CAST: variants seen among roughly 807,000 people sequenced by gnomAD.
CAST encodes MIR583 host.
A neutral mutation model predicts 119.6 loss-of-function variants in CAST; 76 were observed. The observed-to-expected ratio is 0.64, with a 90% CI of 0.53 to 0.77. The LOEUF is 0.77. CAST is among the 30% of genes least tolerant of loss of function. The pLI is 0.00. For synonymous variants in CAST, 319 were observed against 331.6 expected, an observed-to-expected ratio of 0.96 and a Z score of 0.41; for missense variants, 953 against 946.5, an observed-to-expected ratio of 1.01 and a Z score of -0.09.
chr5:96,495,141 G>C, the CAST span, among the ~76,000 whole-genome samples: 2 of 127,538 alleles, frequency 1.6e-5, no homozygotes, highest in African/African-American at 5.7e-5. Context: ...AAAAAAAAAA[G>C]TGTGTCCATG....
the CAST span, among the ~76,000 whole-genome samples, chr5:95,999,661 A>T: frequency 6.6e-6 from 1 of 152,148 alleles, no homozygotes; most frequent in Admixed American, 6.6e-5. Flanking sequence ...TGATTGATTG[A>T]CATTTCAATT....
the CAST span, among the ~76,000 whole-genome samples, chr5:96,346,432 G>T: frequency 6.6e-6 from 1 of 152,098 alleles, no homozygotes; most frequent in Non-Finnish European, 1.5e-5. Flanking sequence ...TGTCACTGTA[G>T]AGATTGTAAT....
chr5:96,155,432 A>G, the CAST span, among the ~76,000 whole-genome samples: 3 of 152,244 alleles, frequency 2.0e-5, no homozygotes, highest in African/African-American at 7.2e-5. Flanking sequence ...TGGGAAATAC[A>G]GTGATGGCCA....
chr5:96,165,162 C>T, the CAST span, among the ~76,000 whole-genome samples: 7 of 151,628 alleles, frequency 4.6e-5, no homozygotes, highest in Non-Finnish European at 8.8e-5. Flanking sequence ...CATGACACCT[C>T]GGCAGATTCC....
chr5:96,587,411 G>C (rs1436781928), intron 1 of CAST, among the ~76,000 whole-genome samples: 1 of 152,222 alleles, frequency 6.6e-6, no homozygotes, highest in African/African-American at 2.4e-5. Context: ...CCTGACTAAT[G>C]CAGGATAGTC....
chr5:96,591,437 T>G (rs1167387865), intron 1 of CAST, among the ~76,000 whole-genome samples: 2 of 152,252 alleles, frequency 1.3e-5, no homozygotes, highest in African/African-American at 4.8e-5. Context: ...GGTCTTTTTC[T>G]TTCGAGAAGG....
the CAST span, chr5:96,426,037 A>C: frequency 1.4e-6 from 1 of 720,372 alleles, no homozygotes; most frequent in Non-Finnish European, 2.5e-6. Flanking sequence ...GCAGCTCTGC[A>C]ATATTTTCAT....
At chr5:96,651,663 A>T (rs568719122) in intron 1 of CAST, among the ~76,000 whole-genome samples, 19 of 152,234 alleles carry the variant, frequency 1.2e-4, no homozygotes, top group Admixed American at 4.6e-4. Context: ...CCACCTCCAA[A>T]CCCTGAGCTT....
chr5:96,523,268 C>T (rs1300784289), upstream of CAST, among the ~76,000 whole-genome samples: 1 of 152,254 alleles, frequency 6.6e-6, no homozygotes, highest in East Asian at 1.9e-4. Flanking sequence ...ACCACCAACA[C>T]TCTCTCCTCT....
chr5:96,650,678 G>A (rs1403885059), intron 1 of CAST, among the ~76,000 whole-genome samples: 1 of 151,444 alleles, frequency 6.6e-6, no homozygotes, highest in African/African-American at 2.4e-5. Context: ...GGCAGCCTAA[G>A]ATGTACTTTC....
chr5:96,372,572 G>A, the CAST span, among the ~76,000 whole-genome samples: 1 of 152,142 alleles, frequency 6.6e-6, no homozygotes, highest in Non-Finnish European at 1.5e-5. Context: ...TGGGACTTAG[G>A]CAGAGAACAA....
chr5:96,644,452 C>T (rs550785265), intron 1 of CAST, among the ~76,000 whole-genome samples: 1 of 152,306 alleles, frequency 6.6e-6, no homozygotes, highest in South Asian at 2.1e-4. Context: ...AAATTTACTA[C>T]AAATATTTTG....
the CAST span, among the ~76,000 whole-genome samples, chr5:96,423,133 C>T: frequency 3.3e-5 from 5 of 152,268 alleles, no homozygotes; most frequent in Admixed American, 1.3e-4. Flanking sequence ...TATTTCAATG[C>T]CCACTGGTAC....
At chr5:96,082,789 CT>C in the CAST span, among the ~76,000 whole-genome samples, 1 of 151,816 alleles carries the variant, frequency 6.6e-6, no homozygotes, top group African/African-American at 2.4e-5. Flanking sequence ...GGAGGAAGAG[CT>C]TTTTTAAAAA....
At chr5:96,492,976 C>T in the CAST span, among the ~76,000 whole-genome samples, 1 of 152,136 alleles carries the variant, frequency 6.6e-6, no homozygotes, top group African/African-American at 2.4e-5. Flanking sequence ...GTTTATGTCA[C>T]ATAAAAATGG....
the CAST span, among the ~76,000 whole-genome samples, chr5:95,965,442 C>T: frequency 7.2e-5 from 11 of 152,172 alleles, no homozygotes; most frequent in African/African-American, 2.7e-4. Context: ...CCTGTATTAG[C>T]AGTTTTGCAG....
chr5:96,020,256 G>T, the CAST span, among the ~76,000 whole-genome samples: 1 of 152,136 alleles, frequency 6.6e-6, no homozygotes, highest in Admixed American at 6.6e-5. Flanking sequence ...TATAAGCTTA[G>T]AAATTAAGGA....
chr5:96,121,145 C>G, the CAST span, among the ~76,000 whole-genome samples: 2 of 152,098 alleles, frequency 1.3e-5, no homozygotes, highest in African/African-American at 4.8e-5. Context: ...CTGTTTATGC[C>G]CACTGGAATG....
chr5:96,612,708 T>C (rs1031009919), intron 1 of CAST, among the ~76,000 whole-genome samples: 3 of 152,264 alleles, frequency 2.0e-5, no homozygotes, highest in East Asian at 1.9e-4. Context: ...ATTTTGTTAA[T>C]ATGCTCTTTC....
Sources: gnomAD v4.1 joint callset for allele counts (sites outside exome capture counted in the v4.1 genomes callset) on GRCh38, gnomAD v4.1.1 for gene constraint, MANE v1.5 for transcripts, NCBI Gene and HGNC (gene_info 2026-07-23, HGNC 2026-07-21) for gene names.